SYMPK: variants seen among roughly 807,000 people sequenced by gnomAD.
SYMPK encodes the protein symplekin scaffold protein.
Under a neutral mutation model 136.4 loss-of-function variants are expected in SYMPK, and 49 were observed. The ratio of observed to expected loss-of-function variants is 0.36; its 90% CI spans 0.29 to 0.46. The LOEUF (loss-of-function observed/expected upper bound fraction) is 0.46, where lower values mean the gene tolerates loss of function less well. Ranked by LOEUF, SYMPK falls within the 20% of genes least tolerant of loss-of-function variation. The pLI is 1.00. For missense variants in SYMPK, 1,365 were observed against 1,690.0 expected (o/e 0.81, Z 3.37); for synonymous variants, 766 against 713.0 (o/e 1.07, Z -1.19).
At position 45,816,580 on chromosome 19, in the gene SYMPK, G is replaced by A; in HGVS notation, c.3259-3C>T. ...ATGGAGTTAGGGATGTGAGCTTGCT[G>A]GGTGGAGAGCAGGAAGGGGGCGCTG... On this transcript the variant is annotated splice_polypyrimidine_tract_variant and splice_region_variant and intron_variant, in intron 24 of 26. Transcript: ENST00000245934. 1.9e-6 allele frequency: 3 copies of A among 1,613,568 alleles called. No homozygotes were observed. Among genetic ancestry groups the A allele is most frequent in the Non-Finnish European group, 2.5e-6 (3 of 1,179,988 alleles).
intron 26 of SYMPK, 51 bp downstream of exon 26, chr19:45,815,800 C>A (rs768950850): frequency 1.9e-6 from 3 of 1,595,742 alleles, no homozygotes; most frequent in African/African-American, 2.7e-5. Context: ...CCCACCTTCA[C>A]CCCGGCCCAG....
chr19:45,830,191 C>A lies in SYMPK; in HGVS notation c.1612G>T (p.Gly538Cys). Residue 538 changes from glycine to cysteine, a missense_variant, in exon 13 of 27, where the codon GGT becomes TGT. Around this residue, in one of 11 missense-constraint regions of SYMPK, gnomAD observed 303 missense variants for 326.6 expected, o/e 0.93. Transcript: ENST00000245934. ...PVTQPRLAGAGGRKKIFRLSD... is the reference protein window; with the variant it reads ...PVTQPRLAGACGRKKIFRLSD... ...AGACGGAAAATTTTCTTGCGCCCAC[C>A]AGCGCCTGCCAGCCTGTGTGGAAGA... The A allele has an allele frequency of 6.2e-7, 1 of 1,610,068 alleles. No individual in the cohort carries two copies. The highest frequency in any genetic ancestry group is 8.5e-7 in the Non-Finnish European group (1 of 1,177,948).
At chr19:45,858,395 G>T (rs937928256) in intron 1 of SYMPK, among the ~76,000 whole-genome samples, 1 of 152,060 alleles carries the variant, frequency 6.6e-6, no homozygotes, top group African/African-American at 2.4e-5. Flanking sequence ...CAAAGACTTT[G>T]TGCCTCTCTT....
chr19:45,838,613 G>A lies in SYMPK; in HGVS notation c.1090C>T (p.Pro364Ser). 1 of 1,613,004 alleles carries A rather than the reference G, an allele frequency of 6.2e-7. No homozygotes were observed. Residue 364 changes from proline to serine, a missense_variant and splice_region_variant, in exon 10 of 27, where the codon CCC becomes TCC. Physicochemically the swap from Pro to Ser is moderately conservative, Grantham distance 74. Transcript: ENST00000245934. Reference protein sequence around the residue: ...DSTLKKMKLEPNLGEDDEDKD... With the variant: ...DSTLKKMKLESNLGEDDEDKD... ...TCCTCATCGTCCTCCCCCAGGTTGGGCTCTGGGATGAGGGAAAAGAACAAG... is the reference window on the plus strand; with the variant it reads ...TCCTCATCGTCCTCCCCCAGGTTGGACTCTGGGATGAGGGAAAAGAACAAG...
intron 7 of SYMPK, among the ~76,000 whole-genome samples, chr19:45,844,589 C>T (rs892480082): frequency 2.0e-5 from 3 of 151,882 alleles, no homozygotes; most frequent in East Asian, 1.9e-4. Context: ...GCAGGAGAAT[C>T]GCTTGAACCC....
chr19:45,834,488 G>A (rs7359912), intron 11 of SYMPK, among the ~76,000 whole-genome samples: 1,615 of 150,314 alleles, frequency 0.011, 32 homozygotes, highest in African/African-American at 0.038. Context: ...AAGAAATATC[G>A]TATATAATTA....
chr19:45,833,995 C>T (rs943018163), intron 11 of SYMPK, among the ~76,000 whole-genome samples: 6 of 151,714 alleles, frequency 4.0e-5, no homozygotes, highest in Non-Finnish European at 7.4e-5. Context: ...ACTAAAAATA[C>T]AAAAAACTAG....
intron 23 of SYMPK, among the ~76,000 whole-genome samples, chr19:45,817,514 C>T (rs1247760221): frequency 6.7e-6 from 1 of 149,324 alleles, no homozygotes; most frequent in African/African-American, 2.5e-5. Flanking sequence ...TCACTGCAGC[C>T]CCAAACTCCT....
chr19:45,830,557 A>G, intron 12 of SYMPK: 1 of 219,776 alleles, frequency 4.6e-6, no homozygotes, highest in Non-Finnish European at 9.4e-6. Context: ...GGGTAGCAGA[A>G]GAGAGCTCGG....
intron 5 of SYMPK, among the ~76,000 whole-genome samples, chr19:45,851,577 CA>C (rs202014672): frequency 1.8e-3 from 187 of 105,850 alleles, no homozygotes; most frequent in Non-Finnish European, 1.8e-3. Flanking sequence ...AACTCAGTCT[CA>C]AAAAAAAAAA....
rs755583890 is a variant in SYMPK at position 45,823,441 on chromosome 19, G to T, written c.2631C>A (p.Val877=). 3.1e-6 allele frequency: 5 copies of T among 1,614,020 alleles called. No homozygotes were observed. The highest frequency in any genetic ancestry group is 1.3e-5 in the African/African-American group (1 of 75,048). The stretch of plus-strand genomic sequence containing the variant: ...GCAGTCGCTTGTGGTAGAGATCCCG[G>T]ACCCGCTTCACCAGCTCTGGGGAGG... The part of the protein sequence containing the change: ...VPPSPELVKR[V]RDLYHKRLPD... The change falls in exon 20 of 27, where the codon GTC becomes GTA. Residue 877 remains valine, a synonymous_variant. Transcript: ENST00000245934.
chr19:45,848,688 A>ATAT lies in SYMPK; in HGVS notation c.426+59_426+61dup, dbSNP rs555818023. 4.3e-4 allele frequency: 691 copies of ATAT among 1,607,750 alleles called. 3 individuals are homozygous for ATAT. The African/African-American group carries it at 8.1e-3, about 19-fold the overall frequency. ...TCGGATGCTGGTTTTGAACCCCAACATATTAGTTTGTCAACGAGACATATC... is the reference window on the plus strand; with the variant it reads ...TCGGATGCTGGTTTTGAACCCCAACATATTATTAGTTTGTCAACGAGACATATC... On this transcript the variant is annotated intron_variant, in intron 6 of 26. Coordinates refer to ENST00000245934, the MANE Select transcript of SYMPK (RefSeq NM_004819.3).
At chr19:45,835,649 T>C (rs559649802) in intron 10 of SYMPK, among the ~76,000 whole-genome samples, 41 of 152,240 alleles carry the variant, frequency 2.7e-4, no homozygotes, top group African/African-American at 9.6e-4. Flanking sequence ...CAGTGGGTCA[T>C]GCCTGCAATC....
In SYMPK at chr19:45,842,251, C is replaced by A; in HGVS notation, c.1086G>T (p.Leu362=). Reference sequence around the variant, plus strand: ...CCCCACCCCACCAGCCCCTCTCACCCAGCTTCATCTTCTTGAGTGTGGAGT... The same window carrying A: ...CCCCACCCCACCAGCCCCTCTCACCAAGCTTCATCTTCTTGAGTGTGGAGT... ...DSDSTLKKMK[L]EPNLGEDDED... is the part of the protein sequence containing the mutation. The change falls in exon 9 of 27, where the codon CTG becomes CTT. Residue 362 remains leucine (L), a splice_region_variant and synonymous_variant. Transcript: ENST00000245934. The A allele has an allele frequency of 6.2e-7, 1 of 1,614,158 alleles. No homozygotes were observed. Among genetic ancestry groups the A allele is most frequent in the Non-Finnish European group, 8.5e-7 (1 of 1,180,010 alleles).
chr19:45,859,210 T>C (rs1971902712), intron 1 of SYMPK, among the ~76,000 whole-genome samples: 1 of 151,876 alleles, frequency 6.6e-6, no homozygotes, highest in Non-Finnish European at 1.5e-5. Flanking sequence ...CTGGGTTCAG[T>C]ATTCCTGCCC....
At position 45,825,305 on chromosome 19, in the gene SYMPK, T is replaced by A. The variant is rs1260030600; in HGVS notation, c.2356A>T (p.Thr786Ser). 2.5e-6 allele frequency: 4 copies of A among 1,613,862 alleles called. No homozygotes were observed. The highest frequency in any genetic ancestry group is 3.4e-6 in the Non-Finnish European group (4 of 1,179,968). ...TAGAGGTACAGACACTGCTTCACTGTCTCCTCCGTCCAGGGTGCTGCCACC... is the reference window on the plus strand; with the variant it reads ...TAGAGGTACAGACACTGCTTCACTGACTCCTCCGTCCAGGGTGCTGCCACC... Reference protein sequence around the residue: ...TEVAAPWTEETVKQCLYLYLA... With the variant: ...TEVAAPWTEESVKQCLYLYLA... The change falls in exon 18 of 27, where the codon ACA (threonine) becomes TCA (serine). Residue 786 changes from threonine (T) to serine (S), a missense_variant. Physicochemically the swap from Thr to Ser is moderately conservative, Grantham distance 58 (BLOSUM62 1). Coordinates refer to ENST00000245934, the MANE Select transcript of SYMPK (RefSeq NM_004819.3).
At position 45,848,951 on chromosome 19, in the gene SYMPK, G is replaced by A; in HGVS notation, c.300-75C>T. ...AGTAGGAGGAGCCTGAGGTCCAGGA[G>A]GGAAGGGAAATCAGGGACCTGTCTC... On this transcript the variant is annotated intron_variant, in intron 5 of 26. Coordinates refer to ENST00000245934, the MANE Select transcript of SYMPK (RefSeq NM_004819.3). 3.8e-6 allele frequency: 6 copies of A among 1,569,862 alleles called. 1 individual carries two copies. The highest frequency in any genetic ancestry group is 4.1e-4 in the Middle Eastern group (2 of 4,870).
chr19:45,849,764 G>C (rs1971652327), intron 5 of SYMPK, among the ~76,000 whole-genome samples: 1 of 152,150 alleles, frequency 6.6e-6, no homozygotes, highest in Admixed American at 6.5e-5. Flanking sequence ...TCCCAGCCTT[G>C]GCCAGGCGCA....
At chr19:45,826,138 G>C in intron 17 of SYMPK, 88 bp downstream of exon 17, 1 of 1,512,998 alleles carries the variant, frequency 6.6e-7, no homozygotes, top group Non-Finnish European at 8.9e-7. Flanking sequence ...TCGTGTCCGA[G>C]TGGCTTCCCC....
Sources: allele counts gnomAD v4.1 joint callset (sites outside exome capture counted in the v4.1 genomes callset), GRCh38; gene constraint gnomAD v4.1.1; regional missense constraint gnomAD v4.1.1; transcripts MANE v1.5; gene names NCBI Gene and HGNC (gene_info 2026-07-23, HGNC 2026-07-21).